The following RBM19 variants were observed in gnomAD, a reference collection of about 807,000 sequenced individuals.
The protein encoded by RBM19 is RNA binding motif protein 19.
RBM19 carries 94 observed loss-of-function variants against 116.8 expected under a neutral mutation model. The observed-to-expected ratio is 0.80, with a 90% CI of 0.68 to 0.95. RBM19 has a LOEUF of 0.95. Among genes scored for constraint, RBM19 ranks in the 40% least tolerant of loss-of-function variants. The pLI is 0.00. For missense variants in RBM19, 1,161 were observed against 1,220.7 expected (o/e 0.95, Z 0.73); for synonymous variants, 475 against 494.1 (o/e 0.96, Z 0.51).
At chr12:113,858,725 T>C (rs2135741148) in intron 22 of RBM19, 66 bp downstream of exon 22, 2 of 1,479,582 alleles carry the variant, frequency 1.4e-6, no homozygotes, top group Non-Finnish European at 1.9e-6. Flanking sequence ...GGCCTGGCTG[T>C]CTCTCCTACA....
intron 22 of RBM19, among the ~76,000 whole-genome samples, chr12:113,857,384 G>A (rs551354119): frequency 6.6e-6 from 1 of 152,348 alleles, no homozygotes; most frequent in African/African-American, 2.4e-5. Context: ...GGAGGGGGGC[G>A]CAGCCATCAT....
At chr12:113,927,012 C>T (rs1333586672) in intron 17 of RBM19, 42 bp downstream of exon 17, 2 of 1,585,020 alleles carry the variant, frequency 1.3e-6, no homozygotes, top group East Asian at 2.2e-5. Flanking sequence ...ACTGGGGTTT[C>T]CCATCCCACG....
At chr12:113,931,712 C>T (rs1363132576) in intron 16 of RBM19, among the ~76,000 whole-genome samples, 1 of 152,184 alleles carries the variant, frequency 6.6e-6, no homozygotes, top group African/African-American at 2.4e-5. Context: ...AGGGCCTTTG[C>T]ACCTGCTGGC....
chr12:113,840,249 C>G (rs1025954395), intron 23 of RBM19, among the ~76,000 whole-genome samples: 1 of 152,212 alleles, frequency 6.6e-6, no homozygotes, highest in African/African-American at 2.4e-5. Flanking sequence ...GGAATTCAGA[C>G]TCTTTGGCTC....
intron 23 of RBM19, among the ~76,000 whole-genome samples, chr12:113,835,978 G>A (rs1355244129): frequency 5.3e-5 from 8 of 152,180 alleles, no homozygotes; most frequent in African/African-American, 1.2e-4. Context: ...ATATTCTCTC[G>A]GCTGCGCTCG....
At chr12:113,920,819 A>C (rs901915936) in intron 18 of RBM19, 129 bp from the exon 19 acceptor site, 44 of 812,094 alleles carry the variant, frequency 5.4e-5, no homozygotes, top group East Asian at 5.2e-4. Context: ...CATTCCCCCC[A>C]AAAATCTCAG....
In RBM19 at chr12:113,903,691, C is replaced by T. The variant is rs773352693; in HGVS notation, c.2558+11278G>A. Among the ~76,000 whole-genome samples the T allele has an allele frequency of 4.6e-5, 7 of 152,078 alleles. No homozygotes were observed. The highest frequency in any genetic ancestry group is 8.8e-5 in the Non-Finnish European group (6 of 68,026). On this transcript the variant is annotated intron_variant, in intron 21 of 23. Transcript: ENST00000261741. This position sits in a 1 kb window ranked among gnomAD's most constrained non-coding sequence, Gnocchi z 5.1. ...TACATGTATATTCATTTGTTTGTAC[C>T]CTCAGCAGAAATCTGATTTTCGGTA...
intron 22 of RBM19, among the ~76,000 whole-genome samples, chr12:113,847,002 T>C (rs1003568447): frequency 3.3e-5 from 5 of 152,204 alleles, no homozygotes; most frequent in African/African-American, 1.2e-4. Context: ...CCTGAGCCAC[T>C]GTACCCAGCC....
At chr12:113,966,016 C>T in intron 1 of RBM19, 176 bp downstream of exon 1, 1 of 689,336 alleles carries the variant, frequency 1.5e-6, no homozygotes, top group Non-Finnish European at 2.5e-6. Context: ...CACTATTCCT[C>T]TTTCCTCGGG....
chr12:113,906,845 G>C (rs1882079360), intron 21 of RBM19, among the ~76,000 whole-genome samples: 1 of 152,096 alleles, frequency 6.6e-6, no homozygotes, highest in African/African-American at 2.4e-5. Context: ...CTCTACAGAT[G>C]TGATCAAGAT....
chr12:113,906,373 T>A (rs1453624295), intron 21 of RBM19, among the ~76,000 whole-genome samples: 1 of 152,214 alleles, frequency 6.6e-6, no homozygotes, highest in East Asian at 1.9e-4. Flanking sequence ...AGAATATATG[T>A]TCCAGTTCCA....
chr12:113,896,728 G>A (rs1881356626), intron 21 of RBM19, among the ~76,000 whole-genome samples: 1 of 152,144 alleles, frequency 6.6e-6, no homozygotes, highest in Non-Finnish European at 1.5e-5. Context: ...CCAAGACGAT[G>A]GTGAAATGTA....
rs59674460 is a variant in RBM19 at position 113,889,078 on chromosome 12, C to T, written c.2558+25891G>A. 7.1e-3 allele frequency among the ~76,000 whole-genome samples: 1,084 copies of T among 152,226 alleles called. 15 individuals are homozygous for T. Among genetic ancestry groups the T allele is most frequent in the African/African-American group, 0.024 (1,015 of 41,544 alleles). ...GCCAACAGAAACACTGGGATGCTCC[C>T]GGCTCCTCTGCTGTTTCCTCCACAC... is the stretch of plus-strand genomic sequence containing the variant. On this transcript the variant is annotated intron_variant, in intron 21 of 23. Transcript: ENST00000261741.
intron 21 of RBM19, among the ~76,000 whole-genome samples, chr12:113,872,459 C>T (rs1183837898): frequency 2.1e-5 from 3 of 144,720 alleles, no homozygotes; most frequent in African/African-American, 5.0e-5. Context: ...TCTGCTCGGC[C>T]GCCCCTACTG....
At chr12:113,820,476 G>T (rs990483028), downstream of RBM19, among the ~76,000 whole-genome samples, 3 of 152,172 alleles carry the variant, frequency 2.0e-5, no homozygotes, top group Non-Finnish European at 4.4e-5. Context: ...CGAGTGCAGG[G>T]TCAGGTGAGG....
chr12:113,823,346 A>G, intron 23 of RBM19, 25 bp from the exon 24 acceptor site: 1 of 1,604,612 alleles, frequency 6.2e-7, no homozygotes. Flanking sequence ...ATGGCAAGAG[A>G]GGAGAAAAGA....
intron 21 of RBM19, among the ~76,000 whole-genome samples, chr12:113,892,433 A>T (rs1469111964): frequency 6.6e-6 from 1 of 152,200 alleles, no homozygotes; most frequent in Non-Finnish European, 1.5e-5. Context: ...GCATTTGCTC[A>T]ATTTCCCAAA....
At chr12:113,935,753 A>T (rs1347643822) in intron 16 of RBM19, among the ~76,000 whole-genome samples, 6 of 152,204 alleles carry the variant, frequency 3.9e-5, no homozygotes, top group Non-Finnish European at 7.4e-5. Context: ...AAAATCTTAG[A>T]CTGGGCGTGG....
At position 113,924,022 on chromosome 12, in the gene RBM19, G is replaced by C. The variant is rs73397089; in HGVS notation, c.2305+675C>G. Among the ~76,000 whole-genome samples, 736 of 152,352 alleles carry C rather than the reference G, an allele frequency of 4.8e-3. 7 individuals carry two copies. The highest frequency in any genetic ancestry group is 0.016 in the African/African-American group (660 of 41,586). On this transcript the variant is annotated intron_variant, in intron 18 of 23. Coordinates refer to ENST00000261741, the MANE Select transcript of RBM19 (RefSeq NM_016196.4). ...CACATGTAGCATTCCTACAAATCCTGCCAAACCAAAGGGACTCAGGATAGG... is the reference window on the plus strand; with the variant it reads ...CACATGTAGCATTCCTACAAATCCTCCCAAACCAAAGGGACTCAGGATAGG...
Sources: gnomAD v4.1 joint callset for allele counts (sites outside exome capture counted in the v4.1 genomes callset) on GRCh38, gnomAD v4.1.1 for gene constraint, Gnocchi (gnomAD v3.1) non-coding constraint, MANE v1.5 for transcripts, NCBI Gene and HGNC (gene_info 2026-07-23, HGNC 2026-07-21) for gene names.